Variants in IGF1 observed in about 807,000 individuals in gnomAD.
IGF1 encodes the protein insulin like growth factor 1.
Under a neutral mutation model 13.8 loss-of-function variants are expected in IGF1, and 4 were observed. That is an observed-to-expected ratio of 0.29 (90% CI 0.14 to 0.66). IGF1 has a LOEUF of 0.66. Among genes scored for constraint, IGF1 ranks in the 30% least tolerant of loss-of-function variants. The pLI is 0.78. For synonymous variants in IGF1, 76 were observed against 72.6 expected, an observed-to-expected ratio of 1.05 and a Z score of -0.23; for missense variants, 124 against 188.5, an observed-to-expected ratio of 0.66 and a Z score of 2.00.
intron 3 of IGF1, among the ~76,000 whole-genome samples, chr12:102,405,155 T>C (rs549947985): frequency 1.3e-5 from 2 of 151,784 alleles, no homozygotes; most frequent in Non-Finnish European, 2.9e-5. Flanking sequence ...TGGTGTGATC[T>C]AGGCTCACTG....
chr12:102,421,207 G>A (rs1027020107), intron 2 of IGF1, among the ~76,000 whole-genome samples: 1 of 152,142 alleles, frequency 6.6e-6, no homozygotes, highest in Non-Finnish European at 1.5e-5. Flanking sequence ...ACTCAGTGAG[G>A]GTTCATTTGT....
intron 1 of IGF1, among the ~76,000 whole-genome samples, chr12:102,477,481 C>T (rs2162679): frequency 0.74 from 112,542 of 151,154 alleles, 43,105 homozygotes; most frequent in Non-Finnish European, 0.85. Flanking sequence ...TCTTCCACCC[C>T]CTACATAGCC....
intron 2 of IGF1, among the ~76,000 whole-genome samples, chr12:102,441,906 G>GCTGCTGCTTCCTCTTCTTCTT: frequency 2.0e-5 from 2 of 100,344 alleles, no homozygotes; most frequent in African/African-American, 7.9e-5. Flanking sequence ...CTATTACACT[G>GCTGCTGCTTCCTCTTCTTCTT]CTTCTTCTCC....
At chr12:102,458,742 A>AAAAAAAAAAG (rs1555247546) in intron 2 of IGF1, among the ~76,000 whole-genome samples, 1 of 150,538 alleles carries the variant, frequency 6.6e-6, no homozygotes, top group East Asian at 1.9e-4. Context: ...AAAAAAAAAA[A>AAAAAAAAAAG]AAAAACCAAA....
chr12:102,455,432 C>A (rs535000793), intron 2 of IGF1, among the ~76,000 whole-genome samples: 2 of 152,342 alleles, frequency 1.3e-5, no homozygotes, highest in East Asian at 1.9e-4. Flanking sequence ...AGAACCCAGA[C>A]TTTCCAAACC....
chr12:102,416,330 C>T (rs561973417), intron 3 of IGF1, among the ~76,000 whole-genome samples: 1 of 152,280 alleles, frequency 6.6e-6, no homozygotes, highest in East Asian at 1.9e-4. Context: ...ATGAAGACCC[C>T]AATCCTACTG....
At position 102,402,399 on chromosome 12, in the gene IGF1, G is replaced by A. The variant is rs1873755740; in HGVS notation, c.*108C>T. The A allele has an allele frequency of 1.3e-6, 1 of 776,908 alleles. No individual in the cohort carries two copies. Among genetic ancestry groups the A allele is most frequent in the Non-Finnish European group, 2.4e-6 (1 of 416,002 alleles). The allele number at this position is 776,908 out of a possible 1,614,324, so 48.1% of individuals were successfully genotyped here. ...TGGGGGAAACGCCCATCTTTTAAATGTTATCAAACTTATTTTTTGGTAGGT... is the reference window on the plus strand; with the variant it reads ...TGGGGGAAACGCCCATCTTTTAAATATTATCAAACTTATTTTTTGGTAGGT... On this transcript the variant is annotated 3_prime_UTR_variant, in exon 4 of 4. Transcript: ENST00000337514.
Position 102,436,536 on chromosome 12 carries a change from CAG to C in IGF1, c.221-16848_221-16847del, listed in dbSNP as rs1877235053. On this transcript the variant is annotated intron_variant, in intron 2 of 3. Coordinates refer to ENST00000337514, the MANE Select transcript of IGF1 (RefSeq NM_000618.5). ...GGGTAATGGAGAGAAGCCAAAAAGG[CAG>C]TGTGGGTTTGGGGCACCTTCAGTAC... Among the ~76,000 whole-genome samples, 4 of 152,196 alleles carry C rather than the reference CAG, an allele frequency of 2.6e-5. No homozygotes were observed. The South Asian group carries it at 8.3e-4, about 32-fold the overall frequency.
In IGF1 at chr12:102,396,022, GGATT is replaced by G. The variant is rs2136922185; in HGVS notation, c.*6481_*6484del. The G allele has an allele frequency of 6.6e-6, 1 of 152,228 alleles. No homozygotes were observed. The highest frequency in any genetic ancestry group is 6.5e-5 in the Admixed American group (1 of 15,284). The allele number at this position is 152,228 out of a possible 1,614,324, so 9.4% of individuals were successfully genotyped here. ...TTAGTTACATTTTTAGAAGTCATTA[GGATT>G]GATATTCCTCTGCCATAAGTGAATT... On this transcript the variant is annotated 3_prime_UTR_variant, in exon 4 of 4. Coordinates refer to ENST00000337514, the MANE Select transcript of IGF1 (RefSeq NM_000618.5).
chr12:102,475,745 G>A lies in IGF1; in HGVS notation c.118C>T (p.Leu40Phe). 1 of 1,614,206 alleles carries A rather than the reference G, an allele frequency of 6.2e-7. No individual in the cohort carries two copies. The highest frequency in any genetic ancestry group is 8.5e-7 in the Non-Finnish European group (1 of 1,180,034). The change falls in exon 2 of 4, where the codon CTC (leucine) becomes TTC (phenylalanine). Residue 40 changes from leucine (L) to phenylalanine (F), a missense_variant. By Grantham distance (22) the Leu-to-Phe change is conservative. Transcript: ENST00000337514. The part of the protein sequence containing the change: ...SHLFYLALCL[L>F]TFTSSATAGP... Reference sequence around the variant, plus strand: ...GCCGTGGCAGAGCTGGTGAAGGTGAGCAGGCACAGCGCCAGGTAGAAGAGA... The same window carrying A: ...GCCGTGGCAGAGCTGGTGAAGGTGAACAGGCACAGCGCCAGGTAGAAGAGA...
At position 102,438,374 on chromosome 12, in the gene IGF1, C is replaced by A. The variant is rs79817845; in HGVS notation, c.221-18684G>T. Among the ~76,000 whole-genome samples, 787 of 152,300 alleles carry A rather than the reference C, an allele frequency of 5.2e-3. 8 individuals are homozygous for A. Among genetic ancestry groups the A allele is most frequent in the African/African-American group, 0.018 (729 of 41,564 alleles). On this transcript the variant is annotated intron_variant, in intron 2 of 3. Coordinates refer to ENST00000337514, the MANE Select transcript of IGF1 (RefSeq NM_000618.5). ...CAAGAGATCTTTTCAGCTCAGCATTCACCAAAGAGTTGTTCAAGAAGTTCC... is the reference window on the plus strand; with the variant it reads ...CAAGAGATCTTTTCAGCTCAGCATTAACCAAAGAGTTGTTCAAGAAGTTCC...
At chr12:102,461,124 A>G (rs1246422786) in intron 2 of IGF1, among the ~76,000 whole-genome samples, 1 of 152,198 alleles carries the variant, frequency 6.6e-6, no homozygotes, top group Non-Finnish European at 1.5e-5. Flanking sequence ...CTCCAATCCA[A>G]AGGCCCCCCT....
At chr12:102,441,386 A>G (rs1211820693) in intron 2 of IGF1, among the ~76,000 whole-genome samples, 1 of 152,088 alleles carries the variant, frequency 6.6e-6, no homozygotes, top group East Asian at 1.9e-4. Flanking sequence ...AGGTCCTCCC[A>G]CTCTTACTGC....
At chr12:102,480,218 A>G in intron 1 of IGF1, 101 bp downstream of exon 1, 1 of 1,177,704 alleles carries the variant, frequency 8.5e-7, no homozygotes, top group Non-Finnish European at 1.2e-6. Flanking sequence ...CGGTTCCGAA[A>G]CAATGAAAAT....
chr12:102,416,729 A>G (rs1054855275), intron 3 of IGF1, among the ~76,000 whole-genome samples: 2 of 152,186 alleles, frequency 1.3e-5, no homozygotes, highest in African/African-American at 2.4e-5. Context: ...AGTGTTTTCT[A>G]GGAGCTGTAA....
intron 2 of IGF1, among the ~76,000 whole-genome samples, chr12:102,421,098 G>A (rs1875673393): frequency 6.6e-6 from 1 of 152,200 alleles, no homozygotes; most frequent in African/African-American, 2.4e-5. Context: ...CAACCTCTAA[G>A]AACCCAAATG....
intron 2 of IGF1, among the ~76,000 whole-genome samples, chr12:102,465,596 G>A (rs1880241210): frequency 6.6e-6 from 1 of 152,168 alleles, no homozygotes; most frequent in African/African-American, 2.4e-5. Context: ...GAGGAATTGA[G>A]TTTATTTATT....
At chr12:102,449,484 G>A (rs534730767) in intron 2 of IGF1, among the ~76,000 whole-genome samples, 1 of 152,010 alleles carries the variant, frequency 6.6e-6, no homozygotes, top group East Asian at 1.9e-4. Flanking sequence ...AATGGCACAT[G>A]TATAGCTATG....
intron 2 of IGF1, among the ~76,000 whole-genome samples, chr12:102,452,261 C>CAAAAAAAAAAAA (rs538007224): frequency 7.1e-5 from 3 of 42,176 alleles, no homozygotes; most frequent in African/African-American, 1.2e-4. Context: ...GACTCCGTCT[C>CAAAAAAAAAAAA]AAAAAAAAAA....
Sources: allele counts gnomAD v4.1 joint callset (sites outside exome capture counted in the v4.1 genomes callset), GRCh38; gene constraint gnomAD v4.1.1; transcripts MANE v1.5; gene names NCBI Gene and HGNC (gene_info 2026-07-23, HGNC 2026-07-21).